The following METTL15 variants were observed in gnomAD, a reference collection of about 807,000 sequenced individuals.
METTL15 encodes the protein 12S rRNA N(4)-cytidine methyltransferase METTL15.
In METTL15, 34 loss-of-function variants were observed where a neutral mutation model predicts 38.3. The ratio of observed to expected loss-of-function variants is 0.89; its 90% CI spans 0.68 to 1.18. METTL15 has a LOEUF of 1.18. Among genes scored for constraint, METTL15 ranks in the 50% most tolerant of loss-of-function variants. METTL15 has a pLI of 0.00. For missense variants in METTL15, 438 were observed against 498.4 expected (o/e 0.88, Z 1.15); for synonymous variants, 162 against 170.9 (o/e 0.95, Z 0.41).
chr11:28,174,936 A>G (rs900674662), intron 3 of METTL15, among the ~76,000 whole-genome samples: 1 of 126,232 alleles, frequency 7.9e-6, no homozygotes, highest in Non-Finnish European at 1.8e-5. Context: ...AATTTACTTT[A>G]TTTTTATTTT....
chr11:28,228,759 A>T (rs1270949907), intron 4 of METTL15, among the ~76,000 whole-genome samples: 1 of 151,962 alleles, frequency 6.6e-6, no homozygotes, highest in Non-Finnish European at 1.5e-5. Context: ...TTGAAGACAA[A>T]AACTATGTCT....
At chr11:28,399,121 A>G (rs914085659) in intron 5 of METTL15, 1 of 152,088 alleles carries the variant, frequency 6.6e-6, no homozygotes, top group Non-Finnish European at 1.5e-5. Context: ...ATGAAACAGA[A>G]CAGAGGCCTC....
chr11:28,473,028 A>G (rs1851315604), intron 6 of METTL15, among the ~76,000 whole-genome samples: 1 of 152,118 alleles, frequency 6.6e-6, no homozygotes, highest in Admixed American at 6.6e-5. Context: ...ATAAATGGAT[A>G]AAGGAGGCAG....
chr11:28,376,303 A>T (rs1850310961), intron 5 of METTL15, among the ~76,000 whole-genome samples: 1 of 151,940 alleles, frequency 6.6e-6, no homozygotes, highest in Admixed American at 6.6e-5. Context: ...TGGGAGTCTA[A>T]GTCTCTTTGT....
At position 28,155,696 on chromosome 11, in the gene METTL15, A is replaced by C. The variant is rs565106828; in HGVS notation, c.270+42092A>C. ...TTAGATCTTGGATAAAGACTGTGTG[A>C]GTTCAAATTCTGGCTTTTTTGTGTG... On this transcript the variant is annotated intron_variant, in intron 3 of 6. Coordinates refer to ENST00000407364, the MANE Select transcript of METTL15 (RefSeq NM_001113528.2). Among the ~76,000 whole-genome samples the C allele has an allele frequency of 3.5e-4, 53 of 152,282 alleles. 1 individual carries two copies. The South Asian group carries it at 8.7e-3, about 25-fold the overall frequency.
At chr11:28,383,581 C>G (rs1439512695) in intron 5 of METTL15, among the ~76,000 whole-genome samples, 1 of 152,216 alleles carries the variant, frequency 6.6e-6, no homozygotes, top group Middle Eastern at 3.4e-3. Context: ...ACATTCCCAC[C>G]AGCAGTGTGT....
At chr11:28,335,215 A>T (rs187226374), downstream of METTL15, among the ~76,000 whole-genome samples, 4 of 152,282 alleles carry the variant, frequency 2.6e-5, no homozygotes, top group East Asian at 7.7e-4. Flanking sequence ...ATTCCTCATA[A>T]TTTCACAAGG....
intron 3 of METTL15, among the ~76,000 whole-genome samples, chr11:28,198,575 G>A (rs902708752): frequency 6.6e-6 from 1 of 152,032 alleles, no homozygotes; most frequent in Non-Finnish European, 1.5e-5. Context: ...TAATTGTTTT[G>A]TTTGTTGTAA....
chr11:28,310,954 T>TG (rs1857268110), intron 6 of METTL15, among the ~76,000 whole-genome samples: 1 of 90,750 alleles, frequency 1.1e-5, no homozygotes, highest in African/African-American at 4.4e-5. Context: ...GTGGTGGTGG[T>TG]GGTGGTGGTG....
chr11:28,163,476 C>T (rs1850543052), intron 3 of METTL15: 1 of 397,798 alleles, frequency 2.5e-6, no homozygotes, highest in South Asian at 1.3e-4. Context: ...CATGCTGTTA[C>T]TCGGTTATCT....
At chr11:28,457,587 C>G (rs547463730) in intron 6 of METTL15, among the ~76,000 whole-genome samples, 15 of 152,288 alleles carry the variant, frequency 9.8e-5, no homozygotes, top group Admixed American at 2.6e-4. Flanking sequence ...TCATCGAAAA[C>G]TCACATGGCA....
intron 4 of METTL15, among the ~76,000 whole-genome samples, chr11:28,230,893 T>A (rs1488037775): frequency 1.3e-5 from 2 of 151,840 alleles, no homozygotes; most frequent in Non-Finnish European, 2.9e-5. Flanking sequence ...AGACTTGGCA[T>A]GGGGAATGCT....
At chr11:28,484,262 G>T (rs576128620) in intron 6 of METTL15, among the ~76,000 whole-genome samples, 1 of 152,216 alleles carries the variant, frequency 6.6e-6, no homozygotes. Context: ...AGAAATCAAG[G>T]CACAGAAGTT....
At chr11:28,480,624 G>A (rs565602427) in intron 6 of METTL15, among the ~76,000 whole-genome samples, 1 of 152,226 alleles carries the variant, frequency 6.6e-6, no homozygotes, top group East Asian at 1.9e-4. Context: ...TTTTAATCCT[G>A]GTGAGCAGAA....
At chr11:28,394,149 C>T (rs927413265) in intron 5 of METTL15, among the ~76,000 whole-genome samples, 1 of 151,700 alleles carries the variant, frequency 6.6e-6, no homozygotes, top group Non-Finnish European at 1.5e-5. Context: ...AGTGGCAGAG[C>T]AGAGAGAGAG....
chr11:28,121,805 T>G (rs966810535), intron 3 of METTL15, among the ~76,000 whole-genome samples: 2 of 152,094 alleles, frequency 1.3e-5, no homozygotes, highest in African/African-American at 4.8e-5. Context: ...TAGTATTGGA[T>G]TTTATGATAA....
chr11:28,216,690 T>A (rs1050316589), intron 4 of METTL15, among the ~76,000 whole-genome samples: 4 of 150,528 alleles, frequency 2.7e-5, no homozygotes, highest in African/African-American at 9.7e-5. Flanking sequence ...TAGGTATATC[T>A]CCAAATGCTA....
intron 3 of METTL15, among the ~76,000 whole-genome samples, chr11:28,185,376 A>G (rs1354664406): frequency 2.6e-5 from 4 of 151,458 alleles, no homozygotes; most frequent in Non-Finnish European, 4.4e-5. Flanking sequence ...AGCTTGGGCA[A>G]ATTGCTTGGT....
At chr11:28,441,358 G>A (rs957144377) in intron 6 of METTL15, among the ~76,000 whole-genome samples, 35 of 151,898 alleles carry the variant, frequency 2.3e-4, no homozygotes, top group African/African-American at 8.2e-4. Context: ...ACAATTTGTG[G>A]GGAAAGGCAA....
Sources: gnomAD v4.1 joint callset for allele counts (sites outside exome capture counted in the v4.1 genomes callset) on GRCh38, gnomAD v4.1.1 for gene constraint, MANE v1.5 for transcripts, NCBI Gene and HGNC (gene_info 2026-07-23, HGNC 2026-07-21) for gene names.